GFOD1: variants seen among roughly 807,000 people sequenced by gnomAD.
GFOD1 encodes Gfo/Idh/MocA-like oxidoreductase domain containing 1.
GFOD1 carries 9 observed loss-of-function variants against 25.4 expected under a neutral mutation model. That is an observed-to-expected ratio of 0.35 (90% CI 0.21 to 0.62). The LOEUF (loss-of-function observed/expected upper bound fraction) is 0.62, where lower values mean the gene tolerates loss of function less well. Among genes scored for constraint, GFOD1 ranks in the 20% least tolerant of loss-of-function variants. The probability of loss-of-function intolerance (pLI) is 0.72; values close to 1 mark genes in which losing one functional copy is unlikely to be tolerated. For synonymous variants in GFOD1, 253 were observed against 245.6 expected (o/e 1.03, Z -0.28); for missense variants, 403 against 556.9 (o/e 0.72, Z 2.78).
intron 1 of GFOD1, among the ~76,000 whole-genome samples, chr6:13,424,582 C>T (rs1786318483): frequency 2.0e-5 from 3 of 152,180 alleles, no homozygotes; most frequent in Admixed American, 2.0e-4. Flanking sequence ...AAGATACCCA[C>T]ACGCTCTTAA....
intron 1 of GFOD1, among the ~76,000 whole-genome samples, chr6:13,427,820 G>C (rs1757667695): frequency 6.6e-6 from 1 of 152,040 alleles, no homozygotes; most frequent in South Asian, 2.1e-4. Context: ...GTAATTCCTG[G>C]TGCCCCTGAC....
intron 1 of GFOD1, among the ~76,000 whole-genome samples, chr6:13,442,952 C>T (rs1487727899): frequency 6.6e-6 from 1 of 152,140 alleles, no homozygotes; most frequent in Non-Finnish European, 1.5e-5. Context: ...GATAGTGATT[C>T]CTCTGAAGGA....
rs545121192 is a variant in GFOD1, at chr6:13,368,584, TAGGCTCTG to T, written c.254-2930_254-2923del. ...AAATCTGCCTCACACCCATTGGGTG[TAGGCTCTG>T]GCCTCTACTACACCCTATTTCAAGG... On this transcript the variant is annotated intron_variant, in intron 1 of 1. Transcript: ENST00000379287. Among the ~76,000 whole-genome samples, 198 of 152,316 alleles carry T rather than the reference TAGGCTCTG, an allele frequency of 1.3e-3. 1 individual carries two copies. Among genetic ancestry groups the T allele is most frequent in the Admixed American group, 2.2e-3 (34 of 15,300 alleles).
intron 1 of GFOD1, among the ~76,000 whole-genome samples, chr6:13,427,871 C>A (rs1328294498): frequency 6.6e-6 from 1 of 152,170 alleles, no homozygotes; most frequent in Admixed American, 6.5e-5. Flanking sequence ...AGCAGCCCCA[C>A]GACACCAGGC....
At chr6:13,427,636 G>A (rs1757664716) in intron 1 of GFOD1, among the ~76,000 whole-genome samples, 1 of 152,058 alleles carries the variant, frequency 6.6e-6, no homozygotes, top group Non-Finnish European at 1.5e-5. Flanking sequence ...GGGTGACAGA[G>A]TAAGAGCCTG....
intron 1 of GFOD1, chr6:13,486,246 A>T (rs999187989): frequency 2.9e-4 from 47 of 163,658 alleles, no homozygotes; most frequent in Non-Finnish European, 3.3e-4. Flanking sequence ...CCACCCCCCC[A>T]TCCCCCCCCC....
At chr6:13,451,321 C>T (rs1758094194) in intron 1 of GFOD1, among the ~76,000 whole-genome samples, 1 of 152,158 alleles carries the variant, frequency 6.6e-6, no homozygotes, top group Admixed American at 6.5e-5. Context: ...CATCCATGAC[C>T]CACAGGCCTG....
chr6:13,411,555 A>T (rs1786078622), intron 1 of GFOD1, among the ~76,000 whole-genome samples: 1 of 151,900 alleles, frequency 6.6e-6, no homozygotes, highest in Non-Finnish European at 1.5e-5. Flanking sequence ...GCCTCCCAAA[A>T]TGCTGGAATT....
rs1784989249 is a variant in GFOD1, at chr6:13,363,907, C to T, written c.*836G>A. 2 of 152,188 alleles carry T rather than the reference C, an allele frequency of 1.3e-5. No homozygotes were observed. Among genetic ancestry groups the T allele is most frequent in the African/African-American group, 4.8e-5 (2 of 41,438 alleles). The allele number at this position is 152,188 out of a possible 1,614,324, so 9.4% of individuals were successfully genotyped here. A position where few individuals can be genotyped will look rare whatever the true frequency, so the allele number is the denominator to read the frequency against. ...TAATCCCTCTGATACTCAATTCCAC[C>T]TTTACTGGAAATAGTGTTATAAGGT... On this transcript the variant is annotated 3_prime_UTR_variant, in exon 2 of 2. Transcript: ENST00000379287.
At chr6:13,381,915 GCACACA>G (rs112808546) in intron 1 of GFOD1, among the ~76,000 whole-genome samples, 42,099 of 140,000 alleles carry the variant, frequency 0.3, 7,008 homozygotes, top group Admixed American at 0.44. Flanking sequence ...ACGCGCGCGC[GCACACA>G]CACACACACA....
chr6:13,464,670 T>C (rs1758349353), intron 1 of GFOD1, among the ~76,000 whole-genome samples: 1 of 152,238 alleles, frequency 6.6e-6, no homozygotes, highest in African/African-American at 2.4e-5. Flanking sequence ...GCAGACACCC[T>C]GTATAATGTG....
intron 1 of GFOD1, among the ~76,000 whole-genome samples, chr6:13,431,970 C>T (rs1757756784): frequency 6.6e-6 from 1 of 152,182 alleles, no homozygotes. Flanking sequence ...CACTAAGAGA[C>T]CATTTCCTCA....
intron 1 of GFOD1, among the ~76,000 whole-genome samples, chr6:13,381,907 G>A (rs969046912): frequency 2.1e-4 from 18 of 85,796 alleles, no homozygotes; most frequent in African/African-American, 5.1e-4. Flanking sequence ...AAACACACAC[G>A]CGCGCGCGCA....
At chr6:13,398,304 T>TA (rs11378520) in intron 1 of GFOD1, among the ~76,000 whole-genome samples, 86,606 of 152,062 alleles carry the variant, frequency 0.57, 28,544 homozygotes, top group Non-Finnish European at 0.73. Flanking sequence ...TTGGATCTGT[T>TA]ACGAGGCTCA....
intron 1 of GFOD1, 88 bp downstream of exon 1, chr6:13,486,550 T>G (rs1758874674): frequency 9.5e-7 from 1 of 1,051,180 alleles, no homozygotes; most frequent in Non-Finnish European, 1.4e-6. Flanking sequence ...GCTTCTGGGA[T>G]GCGGAGAGGG....
chr6:13,479,706 C>A (rs762369889), intron 1 of GFOD1, among the ~76,000 whole-genome samples: 3 of 152,210 alleles, frequency 2.0e-5, no homozygotes, highest in Non-Finnish European at 2.9e-5. Context: ...ATATCCTCAA[C>A]AAAATAATCG....
At chr6:13,436,808 A>C (rs1251511198) in intron 1 of GFOD1, among the ~76,000 whole-genome samples, 1 of 152,226 alleles carries the variant, frequency 6.6e-6, no homozygotes, top group Non-Finnish European at 1.5e-5. Flanking sequence ...AAAATGATTG[A>C]TGAGCTATCG....
At chr6:13,472,372 C>G (rs1758528227) in intron 1 of GFOD1, among the ~76,000 whole-genome samples, 1 of 152,198 alleles carries the variant, frequency 6.6e-6, no homozygotes, top group Non-Finnish European at 1.5e-5. Flanking sequence ...GTAGCTGGCA[C>G]TCAATAAATC....
At chr6:13,463,078 C>T (rs374959634) in intron 1 of GFOD1, among the ~76,000 whole-genome samples, 7 of 152,326 alleles carry the variant, frequency 4.6e-5, no homozygotes, top group East Asian at 3.9e-4. Context: ...GAAGAAGGAC[C>T]CAGCTTCTTA....
Sources: gnomAD v4.1 joint callset for allele counts (sites outside exome capture counted in the v4.1 genomes callset) on GRCh38, gnomAD v4.1.1 for gene constraint, MANE v1.5 for transcripts, NCBI Gene and HGNC (gene_info 2026-07-23, HGNC 2026-07-21) for gene names.